Variants in EDAR observed in about 807,000 individuals in gnomAD.
EDAR encodes ectodysplasin A receptor.
EDAR carries 38 observed loss-of-function variants against 51.3 expected under a neutral mutation model. The ratio of observed to expected loss-of-function variants is 0.74; its 90% CI spans 0.57 to 0.97. The LOEUF (loss-of-function observed/expected upper bound fraction) is 0.97. Among genes scored for constraint, EDAR ranks in the 50% least tolerant of loss-of-function variants. The pLI, the probability that EDAR is intolerant of heterozygous loss-of-function variation, is 0.00. For synonymous variants in EDAR, 227 were observed against 242.1 expected (o/e 0.94, Z 0.58); for missense variants, 528 against 595.0 (o/e 0.89, Z 1.17).
At chr2:108,949,335 A>T (rs1356227591) in intron 1 of EDAR, among the ~76,000 whole-genome samples, 3 of 152,226 alleles carry the variant, frequency 2.0e-5, no homozygotes, top group Non-Finnish European at 4.4e-5. Context: ...TATTCCAAAG[A>T]GAAAAGCAAT....
intron 1 of EDAR, among the ~76,000 whole-genome samples, chr2:108,958,647 A>G (rs562928973): frequency 6.6e-5 from 10 of 152,328 alleles, no homozygotes; most frequent in African/African-American, 2.4e-4. Flanking sequence ...GCCAGGAGTC[A>G]GTCTCTGTAG....
rs539438496 is a variant in EDAR, at chr2:108,910,357, C to G, written c.803+103G>C. On this transcript the variant is annotated intron_variant, in intron 9 of 11. Coordinates refer to ENST00000258443, the MANE Select transcript of EDAR (RefSeq NM_022336.4). ...CTGTCGCCGAACGTCCCCATAGTGT[C>G]CCAGGCTAGCCTGTCAGTTCACTCG... is the stretch of plus-strand genomic sequence containing the variant. 2.1e-5 allele frequency: 20 copies of G among 939,722 alleles called. 1 individual carries two copies. The South Asian group carries it at 2.7e-4, about 13-fold the overall frequency. The allele number at this position is 939,722 out of a possible 1,614,324, so 58.2% of individuals were successfully genotyped here. A position where few individuals can be genotyped will look rare whatever the true frequency, so the allele number is the denominator to read the frequency against.
In EDAR at chr2:108,906,205, C is replaced by T. The variant is rs1360496253; in HGVS notation, c.1024+103G>A. 1.1e-5 allele frequency: 13 copies of T among 1,221,504 alleles called. 1 individual carries two copies. The highest frequency in any genetic ancestry group is 6.1e-5 in the South Asian group (5 of 82,126). 75.7% of individuals were successfully genotyped at this position (1,221,504 alleles called of 1,614,324 possible). ...GACCAAAGTGCGGCAACTGGATGGG[C>T]GGCTTCCCTCAGTTCCCCTCACAGG... On this transcript the variant is annotated intron_variant, in intron 11 of 11. Transcript: ENST00000258443.
chr2:108,902,619 T>C (rs762635958), intron 11 of EDAR, among the ~76,000 whole-genome samples: 28 of 152,066 alleles, frequency 1.8e-4, no homozygotes, highest in Non-Finnish European at 3.2e-4. Flanking sequence ...CTCATGAATA[T>C]AAATGCAAAA....
intron 1 of EDAR, among the ~76,000 whole-genome samples, chr2:108,952,752 A>T (rs1159601504): frequency 6.6e-6 from 1 of 152,122 alleles, no homozygotes; most frequent in Non-Finnish European, 1.5e-5. Flanking sequence ...ACATTTTCCT[A>T]TTTCTTCGTA....
intron 1 of EDAR, among the ~76,000 whole-genome samples, chr2:108,945,276 C>A (rs1697694003): frequency 6.6e-6 from 1 of 152,144 alleles, no homozygotes; most frequent in South Asian, 2.1e-4. Flanking sequence ...AGCATGTAAT[C>A]TTTAAAGACA....
In EDAR at chr2:108,897,206, A is replaced by C; in HGVS notation, c.1048T>G (p.Phe350Val). Residue 350 changes from phenylalanine to valine, a missense_variant, in exon 12 of 12, where the codon TTT (phenylalanine) becomes GTT (valine). By Grantham distance (50) the Phe-to-Val change is conservative. Coordinates refer to ENST00000258443, the MANE Select transcript of EDAR (RefSeq NM_022336.4). ...CGGCTAGTCTTCTCGAGGCAATCAAATGGCAGCTCCGTGGGGCTAAGACCT... is the reference window on the plus strand; with the variant it reads ...CGGCTAGTCTTCTCGAGGCAATCAACTGGCAGCTCCGTGGGGCTAAGACCT... ...VEGLSPTELP[F>V]DCLEKTSRML... is the part of the protein sequence containing the mutation. The C allele has an allele frequency of 6.2e-7, 1 of 1,613,762 alleles. No individual in the cohort carries two copies. Among genetic ancestry groups the C allele is most frequent in the South Asian group, 1.1e-5 (1 of 91,078 alleles).
intron 1 of EDAR, among the ~76,000 whole-genome samples, chr2:108,951,449 C>T (rs538346549): frequency 3.1e-4 from 47 of 152,270 alleles, no homozygotes; most frequent in African/African-American, 9.1e-4. Context: ...TGTACTAGCA[C>T]GTAGTGAACT....
rs1248187024 is a variant in EDAR, at chr2:108,896,958, C to G, written c.1296G>C (p.Leu432=). 1 of 1,613,684 alleles carries G rather than the reference C, an allele frequency of 6.2e-7. No homozygotes were observed. Among genetic ancestry groups the G allele is most frequent in the Non-Finnish European group, 8.5e-7 (1 of 1,179,880 alleles). ...CAGGTGGCACAACCCCCGCCCACTC[C>G]AGTATGTCTGCACACAAGGACTCCA... ...DAVESLCADI[L]EWAGVVPPAS... The change falls in exon 12 of 12, where the codon CTG becomes CTC. Residue 432 remains leucine, a synonymous_variant. Coordinates refer to ENST00000258443, the MANE Select transcript of EDAR (RefSeq NM_022336.4).
chr2:108,931,698 T>C (rs13425509), intron 1 of EDAR, among the ~76,000 whole-genome samples: 6,158 of 152,258 alleles, frequency 0.04, 287 homozygotes, highest in African/African-American at 0.11. Flanking sequence ...CACGAATGCA[T>C]TCCCTTGAAG....
At chr2:108,968,794 T>A (rs1219190280) in intron 1 of EDAR, among the ~76,000 whole-genome samples, 2 of 152,222 alleles carry the variant, frequency 1.3e-5, no homozygotes, top group Non-Finnish European at 2.9e-5. Flanking sequence ...TTCCAGGGAC[T>A]CAGGCCTGCC....
In EDAR at chr2:108,929,116, T is replaced by C. The variant is rs1051739040; in HGVS notation, c.356+82A>G. 12 of 1,529,966 alleles carry C rather than the reference T, an allele frequency of 7.8e-6. No individual in the cohort carries two copies. The East Asian group carries it at 2.0e-4, about 26-fold the overall frequency. 94.8% of individuals were successfully genotyped at this position (1,529,966 alleles called of 1,614,324 possible). ...CGAGGCCTGCAGTATCCATGACCCC[T>C]GTTCCCAAGGTCCTTGCCCGTAGCC... On this transcript the variant is annotated intron_variant, in intron 4 of 11. Coordinates refer to ENST00000258443, the MANE Select transcript of EDAR (RefSeq NM_022336.4).
At chr2:108,922,301 C>T (rs932914893) in intron 5 of EDAR, among the ~76,000 whole-genome samples, 26 of 152,362 alleles carry the variant, frequency 1.7e-4, no homozygotes, top group Middle Eastern at 3.4e-3. Flanking sequence ...AGAGGACATG[C>T]GGGCCATGGC....
Position 108,911,056 on chromosome 2 carries a change from T to C in EDAR, c.546A>G (p.Gly182=), listed in dbSNP as rs1696921409. The change falls in exon 7 of 12, where the codon GGA becomes GGG. Residue 182 remains glycine (G), a synonymous_variant. Transcript: ENST00000258443. ...CAATGATCAGGGCAGTGGCCAGGTG[T>C]CCTTGGCCTGAGAGTTCTGTGGGTG... The part of the protein sequence containing the change: ...QHAHKELSGQ[G]HLATALIIAM... 1 of 1,614,134 alleles carries C rather than the reference T, an allele frequency of 6.2e-7. No homozygotes were observed. The highest frequency in any genetic ancestry group is 1.3e-5 in the African/African-American group (1 of 75,028).
At chr2:108,962,770 A>G (rs1336458797) in intron 1 of EDAR, among the ~76,000 whole-genome samples, 1 of 151,658 alleles carries the variant, frequency 6.6e-6, no homozygotes, top group Non-Finnish European at 1.5e-5. Flanking sequence ...ACACCATCGC[A>G]CACACACCCT....
At chr2:108,980,580 T>C (rs1698402398) in intron 1 of EDAR, among the ~76,000 whole-genome samples, 1 of 152,136 alleles carries the variant, frequency 6.6e-6, no homozygotes, top group African/African-American at 2.4e-5. Flanking sequence ...GAGTGGACAC[T>C]GTTATGGATA....
intron 1 of EDAR, among the ~76,000 whole-genome samples, chr2:108,954,148 T>A (rs1235718855): frequency 6.6e-6 from 1 of 152,138 alleles, no homozygotes; most frequent in African/African-American, 2.4e-5. Context: ...CACCTTCTTA[T>A]AAAATCCTGC....
At chr2:108,943,430 C>T (rs1459813760) in intron 1 of EDAR, among the ~76,000 whole-genome samples, 1 of 152,194 alleles carries the variant, frequency 6.6e-6, no homozygotes, top group Non-Finnish European at 1.5e-5. Flanking sequence ...GATTAAACTG[C>T]AATCACACCG....
intron 1 of EDAR, among the ~76,000 whole-genome samples, chr2:108,951,431 G>A (rs1426877183): frequency 6.6e-6 from 1 of 152,216 alleles, no homozygotes; most frequent in African/African-American, 2.4e-5. Flanking sequence ...GATGTCTTAT[G>A]TGATTATTGT....
Sources: allele counts gnomAD v4.1 joint callset (sites outside exome capture counted in the v4.1 genomes callset), GRCh38; gene constraint gnomAD v4.1.1; transcripts MANE v1.5; gene names NCBI Gene and HGNC (gene_info 2026-07-23, HGNC 2026-07-21).